Variants in ZNF221 observed in about 807,000 individuals in gnomAD.
ZNF221 encodes the protein zinc finger protein 221.
ZNF221 carries 10 observed loss-of-function variants against 12.6 expected under a neutral mutation model. The observed-to-expected ratio is 0.79, with a 90% CI of 0.49 to 1.34. The LOEUF (loss-of-function observed/expected upper bound fraction) is 1.34. ZNF221 is among the 40% of genes most tolerant of loss of function. The pLI, the probability that ZNF221 is intolerant of heterozygous loss-of-function variation, is 0.00. For synonymous variants in ZNF221, 232 were observed against 244.0 expected (o/e 0.95, Z 0.46); for missense variants, 661 against 721.4 (o/e 0.92, Z 0.96).
Position 43,954,222 on chromosome 19 carries a change from T to C in ZNF221, c.-3+2822T>C, listed in dbSNP as rs183562801. On this transcript the variant is annotated intron_variant, in intron 1 of 4. Transcript: ENST00000587682. ...TGCTGGCTTCCATTTGATATACGGT[T>C]CTAAAAGTAGGAGTGGTCTTAGCAA... Among the ~76,000 whole-genome samples, 232 of 152,292 alleles carry C rather than the reference T, an allele frequency of 1.5e-3. 1 individual carries two copies. Among genetic ancestry groups the C allele is most frequent in the Middle Eastern group, 6.8e-3 (2 of 294 alleles).
chr19:43,965,829 G>C lies in ZNF221; in HGVS notation c.327G>C (p.Glu109Asp), dbSNP rs776509917. ...NSGGKIQIEM[E>D]TVPEAGPHEE... The stretch of plus-strand genomic sequence containing the variant: ...GAGGCAAGATCCAAATTGAGATGGA[G>C]ACTGTTCCAGAAGCAGGACCACATG... The change falls in exon 5 of 5, where the codon GAG becomes GAC. Residue 109 changes from glutamate (E) to aspartate (D), a missense_variant. Coordinates refer to ENST00000587682, the MANE Select transcript of ZNF221 (RefSeq NM_001297588.2). The C allele has an allele frequency of 4.4e-6, 7 of 1,602,588 alleles. No individual in the cohort carries two copies. The South Asian group carries it at 6.7e-5, about 15-fold the overall frequency.
At chr19:43,963,170 A>G (rs1322627111) in intron 2 of ZNF221, among the ~76,000 whole-genome samples, 4 of 152,194 alleles carry the variant, frequency 2.6e-5, no homozygotes, top group Non-Finnish European at 5.9e-5. Context: ...ATAATATTAT[A>G]TAATGTTCCA....
chr19:43,955,708 C>T (rs1427775793), intron 1 of ZNF221, among the ~76,000 whole-genome samples: 1 of 152,114 alleles, frequency 6.6e-6, no homozygotes, highest in Non-Finnish European at 1.5e-5. Context: ...AGGAAAACAG[C>T]GTGTAATTCA....
chr19:43,980,693 C>T, the ZNF221 span, among the ~76,000 whole-genome samples: 1 of 152,208 alleles, frequency 6.6e-6, no homozygotes, highest in Non-Finnish European at 1.5e-5. Context: ...GCTATCCCTT[C>T]TGGGTGTAGG....
rs454301 is a variant in ZNF221 at position 43,966,037 on chromosome 19, T to G, written c.535T>G (p.Phe179Val). 6.2e-7 allele frequency: 1 copy of G among 1,614,208 alleles called. No individual in the cohort carries two copies. ...CCGTTGTAATGAATGTAAACAGTCC[T>G]TCAGTGATGTTTCTGTCTTTGATCT... ...PYRCNECKQSFSDVSVFDLHQ... is the reference protein window; with the variant it reads ...PYRCNECKQSVSDVSVFDLHQ... The change falls in exon 5 of 5, where the codon TTC becomes GTC. Residue 179 changes from phenylalanine to valine, a missense_variant. Transcript: ENST00000587682.
downstream of ZNF221, among the ~76,000 whole-genome samples, chr19:43,968,967 C>T (rs1046394356): frequency 2.8e-4 from 43 of 152,328 alleles, no homozygotes; most frequent in African/African-American, 1.0e-3. Context: ...CTCTCAGGCA[C>T]ACACAGAGAC....
rs760680730 is a variant in ZNF221, at chr19:43,966,675, G to A, written c.1173G>A (p.Glu391=). 2 of 1,614,216 alleles carry A rather than the reference G, an allele frequency of 1.2e-6. No homozygotes were observed. Among genetic ancestry groups the A allele is most frequent in the African/African-American group, 1.3e-5 (1 of 75,050 alleles). ...AGCATCAGATGGTCCACACAGGAGA[G>A]AAACCATATAATTGTAAAGAATGTG... is the stretch of plus-strand genomic sequence containing the variant. ...FCKHQMVHTG[E]KPYNCKECGK... The change falls in exon 5 of 5, where the codon GAG becomes GAA. Residue 391 remains glutamate, a synonymous_variant. Coordinates refer to ENST00000587682, the MANE Select transcript of ZNF221 (RefSeq NM_001297588.2).
chr19:43,977,831 T>C, the ZNF221 span, among the ~76,000 whole-genome samples: 2 of 152,204 alleles, frequency 1.3e-5, no homozygotes, highest in African/African-American at 4.8e-5. Context: ...GCTGTGCCAG[T>C]TTGGATAGTA....
At chr19:43,953,248 G>A (rs973088909) in intron 1 of ZNF221, among the ~76,000 whole-genome samples, 1 of 143,736 alleles carries the variant, frequency 7.0e-6, no homozygotes, top group African/African-American at 2.8e-5. Context: ...ACTGTGCCCA[G>A]TCATTAAGCT....
At chr19:43,954,621 A>AC (rs1374411697) in intron 1 of ZNF221, among the ~76,000 whole-genome samples, 1 of 152,126 alleles carries the variant, frequency 6.6e-6, no homozygotes, top group Non-Finnish European at 1.5e-5. Flanking sequence ...TGAAGGCACA[A>AC]CCCATCCCCA....
chr19:43,957,273 T>C (rs1974772602), intron 1 of ZNF221, among the ~76,000 whole-genome samples: 2 of 152,280 alleles, frequency 1.3e-5, no homozygotes, highest in South Asian at 2.1e-4. Context: ...CTCTGCCTCC[T>C]GGGTTCAAGT....
the ZNF221 span, among the ~76,000 whole-genome samples, chr19:43,975,666 T>C: frequency 6.6e-6 from 1 of 152,188 alleles, no homozygotes; most frequent in East Asian, 1.9e-4. Context: ...AACCTGCACA[T>C]CCTGCACATG....
intron 2 of ZNF221, among the ~76,000 whole-genome samples, chr19:43,964,385 G>C (rs545318875): frequency 2.6e-5 from 4 of 152,298 alleles, no homozygotes; most frequent in African/African-American, 9.6e-5. Flanking sequence ...AGGCATGATG[G>C]TTCCATATCA....
chr19:43,973,506 T>A, the ZNF221 span, among the ~76,000 whole-genome samples: 1 of 152,156 alleles, frequency 6.6e-6, no homozygotes, highest in African/African-American at 2.4e-5. Context: ...GAAAACCCCA[T>A]CATCTCAGCC....
the ZNF221 span, among the ~76,000 whole-genome samples, chr19:43,973,097 CAT>C: frequency 6.6e-6 from 1 of 152,178 alleles, no homozygotes; most frequent in Admixed American, 6.5e-5. Flanking sequence ...GTTGGTTCAA[CAT>C]ATGCAAATCA....
chr19:43,978,129 T>C, the ZNF221 span, among the ~76,000 whole-genome samples: 1 of 152,046 alleles, frequency 6.6e-6, no homozygotes, highest in Non-Finnish European at 1.5e-5. Context: ...TTATTGAGAT[T>C]GATTATGTAG....
At chr19:43,956,232 A>G (rs954662225) in intron 1 of ZNF221, among the ~76,000 whole-genome samples, 8 of 152,220 alleles carry the variant, frequency 5.3e-5, no homozygotes, top group South Asian at 2.1e-4. Flanking sequence ...GACTCAGGCA[A>G]TCTTACTGGT....
chr19:43,963,624 G>A (rs1023937750), intron 2 of ZNF221, among the ~76,000 whole-genome samples: 5 of 152,114 alleles, frequency 3.3e-5, no homozygotes, highest in African/African-American at 9.7e-5. Flanking sequence ...TGGAAGATTG[G>A]CCAATCACTT....
the ZNF221 span, chr19:43,978,753 G>A: frequency 2.0e-5 from 3 of 152,034 alleles, no homozygotes; most frequent in African/African-American, 7.2e-5. Context: ...ATATGACCCT[G>A]GCAAGTTCAC....
Sources: gnomAD v4.1 joint callset for allele counts (sites outside exome capture counted in the v4.1 genomes callset) on GRCh38, gnomAD v4.1.1 for gene constraint, MANE v1.5 for transcripts, NCBI Gene and HGNC (gene_info 2026-07-23, HGNC 2026-07-21) for gene names.